The following ARAP1 variants were observed in gnomAD, a reference collection of about 807,000 sequenced individuals.
The protein encoded by ARAP1 is arf-GAP with Rho-GAP domain, ANK repeat and PH domain-containing protein 1.
A neutral mutation model predicts 172.2 loss-of-function variants in ARAP1; 76 were observed. That is an observed-to-expected ratio of 0.44 (90% CI 0.37 to 0.53). The LOEUF (loss-of-function observed/expected upper bound fraction) is 0.53, where lower values mean the gene tolerates loss of function less well. ARAP1 is among the 20% of genes least tolerant of loss of function. The probability of loss-of-function intolerance (pLI) is 0.00; values close to 1 mark genes in which losing one functional copy is unlikely to be tolerated. For synonymous variants in ARAP1, 804 were observed against 803.3 expected (o/e 1.00, Z -0.01); for missense variants, 1,686 against 1,977.5 (o/e 0.85, Z 2.80).
At chr11:72,697,692 G>T in intron 19 of ARAP1, 43 bp from the exon 20 acceptor site, 1 of 1,611,398 alleles carries the variant, frequency 6.2e-7, no homozygotes, top group Non-Finnish European at 8.5e-7. Flanking sequence ...TCTTGCTCCT[G>T]ATCCCCAACC....
At position 72,710,955 on chromosome 11, in the gene ARAP1, T is replaced by C; in HGVS notation, c.1213+66A>G. ...TGCACCATGACTCTCTTCCCCCTCC[T>C]CTGCCCAAACTTCCAGTCTTCTCTA... On this transcript the variant is annotated intron_variant, in intron 9 of 34. Transcript: ENST00000393609. The surrounding 1 kb of genome is among the most constrained non-coding windows in gnomAD (Gnocchi z 4.3). 1 of 1,604,244 alleles carries C rather than the reference T, an allele frequency of 6.2e-7. No individual in the cohort carries two copies. Among genetic ancestry groups the C allele is most frequent in the Non-Finnish European group, 8.5e-7 (1 of 1,173,206 alleles).
intron 11 of ARAP1, among the ~76,000 whole-genome samples, chr11:72,709,442 G>C (rs1856910768): frequency 6.6e-6 from 1 of 152,170 alleles, no homozygotes; most frequent in African/African-American, 2.4e-5. Flanking sequence ...GAGGGCAGAG[G>C]ACAGAGAAAG....
At position 72,685,332 on chromosome 11, in the gene ARAP1, G is replaced by A. The variant is rs1005044308; in HGVS notation, c.*332C>T. On this transcript the variant is annotated 3_prime_UTR_variant, in exon 35 of 35. Coordinates refer to ENST00000393609, the MANE Select transcript of ARAP1 (RefSeq NM_001040118.3). ...TTCCGGCAGGGCCCCAGGGCCTCAC[G>A]CCTCTGAAAGGGTGGTGGTCCTCCC... 1.6e-5 allele frequency: 6 copies of A among 382,894 alleles called. No homozygotes were observed. The highest frequency in any genetic ancestry group is 7.4e-4 in the Middle Eastern group (1 of 1,354). The allele number at this position is 382,894 out of a possible 1,614,324, so 23.7% of individuals were successfully genotyped here. A position where few individuals can be genotyped will look rare whatever the true frequency, so the allele number is the denominator to read the frequency against.
chr11:72,709,768 A>C, intron 11 of ARAP1, 102 bp downstream of exon 11: 1 of 1,236,438 alleles, frequency 8.1e-7, no homozygotes, highest in Non-Finnish European at 1.2e-6. Flanking sequence ...GGGCAGGGTG[A>C]GGGAACCCAT....
At chr11:72,697,804 G>T in intron 19 of ARAP1, 107 bp downstream of exon 19, 1 of 1,322,322 alleles carries the variant, frequency 7.6e-7, no homozygotes, top group Admixed American at 2.4e-5. Flanking sequence ...CAGGATGGCG[G>T]CTCTGGCCAG....
rs1203927706 is a variant in ARAP1 at position 72,693,297 on chromosome 11, T to C, written c.3954+28A>G. 1.2e-6 allele frequency: 2 copies of C among 1,610,252 alleles called. No homozygotes were observed. The highest frequency in any genetic ancestry group is 2.2e-5 in the East Asian group (1 of 44,822). ...CATTCAGGTGTACAGGTGCCCACCC[T>C]GGGGCAGAACCCAGCGGGGCCACTT... On this transcript the variant is annotated intron_variant, in intron 29 of 34. Coordinates refer to ENST00000393609, the MANE Select transcript of ARAP1 (RefSeq NM_001040118.3). This position sits in a 1 kb window ranked among gnomAD's most constrained non-coding sequence, Gnocchi z 4.6.
At chr11:72,696,794 G>T in intron 22 of ARAP1, 140 bp from the exon 23 acceptor site, 1 of 938,896 alleles carries the variant, frequency 1.1e-6, no homozygotes, top group Non-Finnish European at 1.6e-6. Context: ...ATTCAACCAG[G>T]GTAAGGAACT....
At chr11:72,703,578 G>C (rs114161019) in intron 14 of ARAP1, among the ~76,000 whole-genome samples, 1 of 152,192 alleles carries the variant, frequency 6.6e-6, no homozygotes, top group African/African-American at 2.4e-5. Flanking sequence ...GACTCCCACC[G>C]GGCTTCTAGC....
Position 72,687,461 on chromosome 11 carries a change from A to G in ARAP1, c.4163T>C (p.Phe1388Ser). The G allele has an allele frequency of 1.2e-6, 2 of 1,614,206 alleles. No homozygotes were observed. Among genetic ancestry groups the G allele is most frequent in the Non-Finnish European group, 1.7e-6 (2 of 1,180,038 alleles). Reference protein sequence around the residue: ...CDTQMELREWFATFLFVQHDG... With the variant: ...CDTQMELREWSATFLFVQHDG... ...TACCTGCACAAACAGAAAGGTAGCG[A>G]ACCACTCCCGGAGCTCCATCTGTGT... The change falls in exon 33 of 35, where the codon TTC (phenylalanine) becomes TCC (serine). Residue 1388 changes from phenylalanine (F) to serine (S), a missense_variant. Coordinates refer to ENST00000393609, the MANE Select transcript of ARAP1 (RefSeq NM_001040118.3).
chr11:72,731,189 A>AGGGC (rs1857856698), intron 2 of ARAP1, among the ~76,000 whole-genome samples: 1 of 152,200 alleles, frequency 6.6e-6, no homozygotes, highest in African/African-American at 2.4e-5. Flanking sequence ...CAGAGTTCAC[A>AGGGC]GGGCCTGAAG....
chr11:72,691,154 T>C (rs934146192), intron 30 of ARAP1, among the ~76,000 whole-genome samples: 1 of 152,334 alleles, frequency 6.6e-6, no homozygotes, highest in Admixed American at 6.5e-5. Flanking sequence ...TCTACACTTA[T>C]AGATGGCCTT....
intron 13 of ARAP1, chr11:72,704,553 A>T: frequency 1.9e-6 from 1 of 539,412 alleles, no homozygotes; most frequent in East Asian, 3.3e-5. Context: ...GCTCAGTGAC[A>T]GGACAGGGAG....
rs1261819644 is a variant in ARAP1 at position 72,685,255 on chromosome 11, A to G, written c.*409T>C. 3 of 229,344 alleles carry G rather than the reference A, an allele frequency of 1.3e-5. No individual in the cohort carries two copies. Among genetic ancestry groups the G allele is most frequent in the South Asian group, 1.3e-4 (2 of 15,996 alleles). The allele number at this position is 229,344 out of a possible 1,614,324, so 14.2% of individuals were successfully genotyped here. A position where few individuals can be genotyped will look rare whatever the true frequency, so the allele number is the denominator to read the frequency against. ...CCCCGTGAGCTGAGTGCTCCTCTAC[A>G]GCACCCGCTTTCTGCTGTTCTGGAG... On this transcript the variant is annotated 3_prime_UTR_variant, in exon 35 of 35. Transcript: ENST00000393609.
chr11:72,692,779 T>C lies in ARAP1; in HGVS notation c.3961A>G (p.Arg1321Gly), dbSNP rs756766776. The change falls in exon 30 of 35, where the codon AGG (arginine) becomes GGG (glycine). Residue 1321 changes from arginine (R) to glycine (G), a missense_variant. By Grantham distance (125) the Arg-to-Gly change is moderately radical. Coordinates refer to ENST00000393609, the MANE Select transcript of ARAP1 (RefSeq NM_001040118.3). ...GTCTCAGGGGCCCCGCTCCACGGCC[T>C]CTGGCTCTGTTTGATAGAGGATCAG... Reference protein sequence around the residue: ...LRLYKEVRSQRPWSGAPETSH... With the variant: ...LRLYKEVRSQGPWSGAPETSH... 1.4e-5 allele frequency: 22 copies of C among 1,613,566 alleles called. No homozygotes were observed. The highest frequency in any genetic ancestry group is 1.7e-5 in the Non-Finnish European group (20 of 1,179,998).
At chr11:72,706,485 G>A (rs1856768064) in intron 12 of ARAP1, among the ~76,000 whole-genome samples, 1 of 152,008 alleles carries the variant, frequency 6.6e-6, no homozygotes, top group African/African-American at 2.4e-5. Flanking sequence ...CCCAGCATCT[G>A]GCACACAGTG....
chr11:72,696,816 A>T, intron 22 of ARAP1, 162 bp from the exon 23 acceptor site: 1 of 956,050 alleles, frequency 1.0e-6, no homozygotes, highest in Non-Finnish European at 1.5e-6. Flanking sequence ...TCGGTCTTCC[A>T]GGGCCCCTGG....
chr11:72,698,977 T>A, intron 18 of ARAP1, 28 bp downstream of exon 18: 1 of 1,611,856 alleles, frequency 6.2e-7, no homozygotes, highest in Non-Finnish European at 8.5e-7. Context: ...CAGACACCCT[T>A]ACACCCACCC....
chr11:72,705,560 T>C (rs1220482179), intron 13 of ARAP1: 2 of 495,494 alleles, frequency 4.0e-6, no homozygotes, highest in East Asian at 6.4e-5. Context: ...TGCATTTTCT[T>C]CCTTTTTTTT....
Position 72,705,807 on chromosome 11 carries a change from C to T in ARAP1, c.1807G>A (p.Glu603Lys), listed in dbSNP as rs769602066. The T allele has an allele frequency of 2.5e-6, 4 of 1,614,084 alleles. No individual in the cohort carries two copies. The highest frequency in any genetic ancestry group is 2.2e-5 in the East Asian group (1 of 44,886). Residue 603 changes from glutamate (E) to lysine (K), a missense_variant and splice_region_variant, in exon 13 of 35, where the codon GAG (glutamate) becomes AAG (lysine). By Grantham distance (56) the Glu-to-Lys change is moderately conservative. Coordinates refer to ENST00000393609, the MANE Select transcript of ARAP1 (RefSeq NM_001040118.3). Reference protein sequence around the residue: ...DRKVWTETLIELFLQLGNGAG... With the variant: ...DRKVWTETLIKLFLQLGNGAG... ...GTGGCAAGCAGGGGCATCCCCACCT[C>T]GATAAGTGTTTCTGTCCACACCTTC...
Sources: allele counts gnomAD v4.1 joint callset (sites outside exome capture counted in the v4.1 genomes callset), GRCh38; gene constraint gnomAD v4.1.1; non-coding constraint Gnocchi (gnomAD v3.1); transcripts MANE v1.5; gene names NCBI Gene and HGNC (gene_info 2026-07-23, HGNC 2026-07-21).